RYR2: variants seen among roughly 807,000 people sequenced by gnomAD.
RYR2 encodes the protein cardiac muscle ryanodine receptor-calcium release channel.
A neutral mutation model predicts 601.1 loss-of-function variants in RYR2; 227 were observed. That is an observed-to-expected ratio of 0.38 (90% CI 0.34 to 0.42). The LOEUF is 0.42. Among genes scored for constraint, RYR2 ranks in the 10% least tolerant of loss-of-function variants. The probability of loss-of-function intolerance (pLI) is 1.00; values close to 1 mark genes in which losing one functional copy is unlikely to be tolerated. For synonymous variants in RYR2, 2,223 were observed against 2,175.1 expected (o/e 1.02, Z -0.61); for missense variants, 4,646 against 6,156.5 (o/e 0.75, Z 8.21).
rs114899773 is a variant in RYR2, at chr1:237,298,459, T to G, written c.168+27843T>G. Among the ~76,000 whole-genome samples, 1,086 of 152,254 alleles carry G rather than the reference T, an allele frequency of 7.1e-3. 14 individuals carry two copies. Among genetic ancestry groups the G allele is most frequent in the African/African-American group, 0.025 (1,049 of 41,540 alleles). On this transcript the variant is annotated intron_variant, in intron 2 of 104. Coordinates refer to ENST00000366574, the MANE Select transcript of RYR2 (RefSeq NM_001035.3). ...AGACAAAGAATCATTGGTGTAGGCT[T>G]TACAGATGGAATGTGTGGCTGAAAT... is the stretch of plus-strand genomic sequence containing the variant.
At position 237,506,723 on chromosome 1, in the gene RYR2, C is replaced by T. The variant is rs746619519; in HGVS notation, c.2627C>T (p.Pro876Leu). 7.4e-6 allele frequency: 12 copies of T among 1,611,830 alleles called. No homozygotes were observed. The highest frequency in any genetic ancestry group is 1.7e-4 in the Middle Eastern group (1 of 6,048). ...TGTAAATTTTAGATCGTGTTGCCTC[C>T]TCATCTAGAAAGAATAAGAGAAAAA... ...PVDTSQIVLP[P>L]HLERIREKLA... The change falls in exon 23 of 105, where the codon CCT (proline) becomes CTT (leucine). Residue 876 changes from proline to leucine, a missense_variant. By Grantham distance (98) the Pro-to-Leu change is moderately conservative (BLOSUM62 -3). This residue lies in a region of RYR2 where 1,807 missense variants were observed against 2,088.1 expected (regional missense o/e 0.87). Coordinates refer to ENST00000366574, the MANE Select transcript of RYR2 (RefSeq NM_001035.3).
At chr1:237,322,648 G>T (rs1695734988) in intron 2 of RYR2, among the ~76,000 whole-genome samples, 1 of 152,090 alleles carries the variant, frequency 6.6e-6, no homozygotes. Context: ...TCAATCTGTG[G>T]TCTACTGAGA....
chr1:237,523,393 T>C (rs1667273907), intron 24 of RYR2, among the ~76,000 whole-genome samples: 1 of 152,164 alleles, frequency 6.6e-6, no homozygotes, highest in Admixed American at 6.5e-5. Context: ...AGAATATATA[T>C]AGAAATCTTA....
chr1:237,393,308 G>C (rs1322306962), intron 10 of RYR2, among the ~76,000 whole-genome samples: 1 of 152,158 alleles, frequency 6.6e-6, no homozygotes, highest in Non-Finnish European at 1.5e-5. Context: ...GCAGGAAAAA[G>C]CTATGCCATG....
chr1:237,130,675 G>A (rs1467890194), intron 1 of RYR2, among the ~76,000 whole-genome samples: 2 of 149,390 alleles, frequency 1.3e-5, no homozygotes, highest in Non-Finnish European at 3.0e-5. Context: ...CAGCCTGGGT[G>A]ACAGAGCGAG....
chr1:237,384,451 C>G (rs576549353), intron 8 of RYR2, among the ~76,000 whole-genome samples: 68 of 152,330 alleles, frequency 4.5e-4, no homozygotes, highest in Admixed American at 3.7e-3. Flanking sequence ...CCCGTATCTC[C>G]ACCTTTGTGC....
chr1:237,526,397 G>C (rs1450684495), intron 24 of RYR2, among the ~76,000 whole-genome samples: 1 of 151,580 alleles, frequency 6.6e-6, no homozygotes, highest in East Asian at 1.9e-4. Context: ...GCCCAGGCTG[G>C]AGTGCAGTGG....
Position 237,682,417 on chromosome 1 carries a change from A to G in RYR2, c.9017+1840A>G, listed in dbSNP as rs374309386. Among the ~76,000 whole-genome samples the G allele has an allele frequency of 1.5e-4, 23 of 152,290 alleles. No homozygotes were observed. The South Asian group carries it at 4.8e-3, about 32-fold the overall frequency. On this transcript the variant is annotated intron_variant, in intron 62 of 104. Coordinates refer to ENST00000366574, the MANE Select transcript of RYR2 (RefSeq NM_001035.3). ...ATCTTTAATTATAGTCATGCACCACATAACAACATTTCAATTAATTTTGGA... is the reference window on the plus strand; with the variant it reads ...ATCTTTAATTATAGTCATGCACCACGTAACAACATTTCAATTAATTTTGGA...
At chr1:237,702,331 C>T (rs1336429408) in intron 66 of RYR2, among the ~76,000 whole-genome samples, 1 of 152,126 alleles carries the variant, frequency 6.6e-6, no homozygotes, top group Non-Finnish European at 1.5e-5. Flanking sequence ...CTTATGAAAG[C>T]ACCTGCTAGT....
intron 10 of RYR2, among the ~76,000 whole-genome samples, chr1:237,391,043 TACTGGGATTGAGC>T (rs1424625746): frequency 2.0e-5 from 3 of 152,176 alleles, no homozygotes; most frequent in Non-Finnish European, 2.9e-5. Flanking sequence ...GTGTTGGTTA[TACTGGGATTGAGC>T]AATTATTTGA....
chr1:237,350,003 TA>T (rs1423629591), intron 3 of RYR2, among the ~76,000 whole-genome samples: 1 of 152,060 alleles, frequency 6.6e-6, no homozygotes, highest in African/African-American at 2.4e-5. Flanking sequence ...TAAAGCTATA[TA>T]AAGAGAACAT....
At chr1:237,308,940 T>C (rs1694217453) in intron 2 of RYR2, among the ~76,000 whole-genome samples, 2 of 152,232 alleles carry the variant, frequency 1.3e-5, no homozygotes, top group Non-Finnish European at 2.9e-5. Flanking sequence ...GATTGGTGCG[T>C]TTAGAATCCC....
chr1:237,608,796 GTTTTTTTTTTT>G (rs33945891), intron 35 of RYR2, among the ~76,000 whole-genome samples: 1 of 119,222 alleles, frequency 8.4e-6, no homozygotes, highest in Admixed American at 9.2e-5. Flanking sequence ...AGACTGACCT[GTTTTTTTTTTT>G]TTTTTTTTTT....
chr1:237,769,712 GTATT>G (rs1288920203), intron 84 of RYR2, among the ~76,000 whole-genome samples: 1 of 145,996 alleles, frequency 6.8e-6, no homozygotes, highest in Non-Finnish European at 1.5e-5. Flanking sequence ...TCAGCCGAAA[GTATT>G]TATTTCCATT....
chr1:237,794,044 CA>C, intron 95 of RYR2, 47 bp downstream of exon 95: 1 of 1,540,716 alleles, frequency 6.5e-7, no homozygotes, highest in Middle Eastern at 1.7e-4. Flanking sequence ...AAATTTCAGA[CA>C]TGAAAATATT....
chr1:237,061,283 CTATCT>C (rs1440834415), intron 1 of RYR2, among the ~76,000 whole-genome samples: 2,143 of 36,468 alleles, frequency 0.059, 27 homozygotes, highest in Middle Eastern at 0.14. Context: ...TATCATCTAT[CTATCT>C]ATCTATCTAT....
chr1:237,365,219 TGAAA>T (rs1260591847), intron 5 of RYR2, among the ~76,000 whole-genome samples: 1 of 152,228 alleles, frequency 6.6e-6, no homozygotes, highest in Non-Finnish European at 1.5e-5. Context: ...TTTATGATTT[TGAAA>T]GAAAGAGACT....
intron 2 of RYR2, among the ~76,000 whole-genome samples, chr1:237,286,724 C>T (rs1691614961): frequency 1.3e-5 from 2 of 151,718 alleles, no homozygotes. Context: ...TTCCTGAAGG[C>T]AGCAGATGGC....
intron 2 of RYR2, among the ~76,000 whole-genome samples, chr1:237,297,137 A>G (rs917623362): frequency 5.3e-5 from 8 of 152,236 alleles, no homozygotes; most frequent in Admixed American, 5.2e-4. Context: ...AAACGATAAA[A>G]GTACATATAT....
Sources: allele counts gnomAD v4.1 joint callset (sites outside exome capture counted in the v4.1 genomes callset), GRCh38; gene constraint gnomAD v4.1.1; regional missense constraint gnomAD v4.1.1; transcripts MANE v1.5; gene names NCBI Gene and HGNC (gene_info 2026-07-23, HGNC 2026-07-21).